The following TMEM44 variants were observed in gnomAD, a reference collection of about 807,000 sequenced individuals.
The protein encoded by TMEM44 is transmembrane protein 44.
Under a neutral mutation model 47.8 loss-of-function variants are expected in TMEM44, and 43 were observed. The observed-to-expected ratio is 0.90, with a 90% CI of 0.70 to 1.16. The LOEUF (loss-of-function observed/expected upper bound fraction) is 1.16. TMEM44 is among the 50% of genes most tolerant of loss of function. The pLI is 0.00. For missense variants in TMEM44, 568 were observed against 555.2 expected (o/e 1.02, Z -0.23); for synonymous variants, 277 against 238.8 (o/e 1.16, Z -1.48).
chr3:194,595,628 T>TCTA (rs35339354), intron 9 of TMEM44, among the ~76,000 whole-genome samples: 115 of 107,096 alleles, frequency 1.1e-3, no homozygotes, highest in South Asian at 6.1e-3. Flanking sequence ...CATTCTCTAT[T>TCTA]TTTTTTTTTT....
Position 194,588,644 on chromosome 3 carries a change from G to C in TMEM44, c.1177-5C>G. ...GTTCACATCTTCAGGGTCCCACTAT[G>C]GAGAAAAGATGCAAAGGGTAGCTGG... On this transcript the variant is annotated splice_region_variant and splice_polypyrimidine_tract_variant and intron_variant, in intron 9 of 9. Coordinates refer to ENST00000347147, the MANE Select transcript of TMEM44 (RefSeq NM_001011655.3). 2 of 1,613,774 alleles carry C rather than the reference G, an allele frequency of 1.2e-6. No individual in the cohort carries two copies. The highest frequency in any genetic ancestry group is 1.7e-6 in the Non-Finnish European group (2 of 1,179,762).
intron 1 of TMEM44, among the ~76,000 whole-genome samples, 161 bp from the exon 2 acceptor site, chr3:194,628,670 C>G (rs951138823): frequency 3.3e-5 from 5 of 152,160 alleles, no homozygotes; most frequent in African/African-American, 1.2e-4. Context: ...GGGAACCAAT[C>G]AGAAGACTCC....
rs976003801 is a variant in TMEM44 at position 194,611,133 on chromosome 3, C to CT, written c.913-114dup. The CT allele has an allele frequency of 1.2e-6, 1 of 805,360 alleles. No individual in the cohort carries two copies. Among genetic ancestry groups the CT allele is most frequent in the Non-Finnish European group, 2.1e-6 (1 of 479,476 alleles). 49.9% of individuals were successfully genotyped at this position (805,360 alleles called of 1,614,324 possible). A position where few individuals can be genotyped will look rare whatever the true frequency, so the allele number is the denominator to read the frequency against. On this transcript the variant is annotated intron_variant, in intron 7 of 9. Transcript: ENST00000347147. This position sits in a 1 kb window ranked among gnomAD's most constrained non-coding sequence, Gnocchi z 4.2. ...GACCCCCGTGGTATTTTCTCTCTCT[C>CT]TTTTTTAACGGCACGTCTCACTTTC... is the stretch of plus-strand genomic sequence containing the variant.
intron 9 of TMEM44, among the ~76,000 whole-genome samples, chr3:194,601,795 TA>T (rs1480883036): frequency 6.6e-6 from 1 of 152,084 alleles, no homozygotes; most frequent in Non-Finnish European, 1.5e-5. Flanking sequence ...AAGAGAGAGA[TA>T]AGAGTAGAGA....
intron 1 of TMEM44, among the ~76,000 whole-genome samples, chr3:194,629,531 G>A (rs561623300): frequency 3.9e-5 from 6 of 152,170 alleles, no homozygotes. Context: ...GGGGCTGGCT[G>A]TATCTATCGG....
intron 9 of TMEM44, among the ~76,000 whole-genome samples, chr3:194,599,722 T>C (rs1232465658): frequency 6.6e-6 from 1 of 151,074 alleles, no homozygotes; most frequent in African/African-American, 2.4e-5. Context: ...GTAGCTGGGA[T>C]TACAGGCACG....
rs1275821988 is a variant in TMEM44, at chr3:194,587,748, A to G, written c.*781T>C. ...CCTTAGCCCCATTCCATGCGCCCTT[A>G]CCCTTACTCATCGCAGTATCAAAAT... On this transcript the variant is annotated 3_prime_UTR_variant, in exon 10 of 10. Coordinates refer to ENST00000347147, the MANE Select transcript of TMEM44 (RefSeq NM_001011655.3). 6.6e-6 allele frequency: 1 copy of G among 152,004 alleles called. No homozygotes were observed. The highest frequency in any genetic ancestry group is 2.4e-5 in the African/African-American group (1 of 41,350). 9.4% of individuals were successfully genotyped at this position (152,004 alleles called of 1,614,324 possible). A position where few individuals can be genotyped will look rare whatever the true frequency, so the allele number is the denominator to read the frequency against.
Position 194,633,134 on chromosome 3 carries a change from T to C in TMEM44, c.82A>G (p.Ile28Val), listed in dbSNP as rs1177286175. ...DRCFARHRVC[I>V]SFGLWICASS... ...GCGCAGATCCACAGGCCGAAGGAGA[T>C]GCAGACGCGGTGGCGGGCGAAGCAG... Residue 28 changes from isoleucine (I) to valine (V), a missense_variant, in exon 1 of 10, where the codon ATC becomes GTC. Physicochemically the swap from Ile to Val is conservative, Grantham distance 29. Coordinates refer to ENST00000347147, the MANE Select transcript of TMEM44 (RefSeq NM_001011655.3). 4.3e-5 allele frequency: 67 copies of C among 1,551,506 alleles called. No homozygotes were observed. Among genetic ancestry groups the C allele is most frequent in the Non-Finnish European group, 5.7e-5 (66 of 1,148,138 alleles).
chr3:194,619,957 G>A (rs1716339000), intron 5 of TMEM44, among the ~76,000 whole-genome samples: 1 of 152,114 alleles, frequency 6.6e-6, no homozygotes, highest in African/African-American at 2.4e-5. Flanking sequence ...CCAGATGCTG[G>A]GCACTGTACA....
At chr3:194,608,936 GA>G (rs975318222) in intron 8 of TMEM44, among the ~76,000 whole-genome samples, 4 of 152,006 alleles carry the variant, frequency 2.6e-5, no homozygotes, top group African/African-American at 9.7e-5. Flanking sequence ...GGCAGGGCAG[GA>G]CCACAGAAGA....
intron 8 of TMEM44, among the ~76,000 whole-genome samples, chr3:194,605,403 A>ACAAAGACATACC (rs1714665573): frequency 6.6e-6 from 1 of 152,240 alleles, no homozygotes. Context: ...CATGCTGCTG[A>ACAAAGACATACC]CAAAGACATA....
rs1394969626 is a variant in TMEM44, at chr3:194,617,529, C to A, written c.613-260G>T. 1.3e-5 allele frequency: 8 copies of A among 609,732 alleles called. No homozygotes were observed. In the African/African-American group the frequency reaches 1.5e-4, roughly 11 times the overall value. 37.8% of individuals were successfully genotyped at this position (609,732 alleles called of 1,614,324 possible). On this transcript the variant is annotated intron_variant, in intron 5 of 9. Transcript: ENST00000347147. Reference sequence around the variant, plus strand: ...CCACCCTAAGGCGAGCAAGCAACTCCCTTTTCTGGGCCCTAACGCATCCCT... The same window carrying A: ...CCACCCTAAGGCGAGCAAGCAACTCACTTTTCTGGGCCCTAACGCATCCCT...
chr3:194,632,505 G>T, intron 1 of TMEM44, among the ~76,000 whole-genome samples: 1 of 152,156 alleles, frequency 6.6e-6, no homozygotes, highest in African/African-American at 2.4e-5. Context: ...AACCAGTCCA[G>T]GTGCTGGACA....
rs1366651060 is a variant in TMEM44 at position 194,594,120 on chromosome 3, TA to T, written c.1177-5482del. Among the ~76,000 whole-genome samples the T allele has an allele frequency of 3.9e-3, 393 of 101,158 alleles. 2 individuals are homozygous for T. The highest frequency in any genetic ancestry group is 0.033 in the South Asian group (89 of 2,728). The allele number at this position is 101,158 out of a possible 152,430, so 66.4% of individuals were successfully genotyped here. The stretch of plus-strand genomic sequence containing the variant: ...AGCCACAGCACCTGGCCTAATTTTC[TA>T]TCTATCTATCTATCTATCTATCTAT... On this transcript the variant is annotated intron_variant, in intron 9 of 9. Coordinates refer to ENST00000347147, the MANE Select transcript of TMEM44 (RefSeq NM_001011655.3).
intron 9 of TMEM44, among the ~76,000 whole-genome samples, chr3:194,592,061 A>G (rs1328670815): frequency 6.6e-6 from 1 of 152,012 alleles, no homozygotes; most frequent in Non-Finnish European, 1.5e-5. Context: ...TACTAAAAAT[A>G]CAAAAAATTA....
At chr3:194,615,098 C>T (rs1056773938) in intron 7 of TMEM44, among the ~76,000 whole-genome samples, 8 of 151,942 alleles carry the variant, frequency 5.3e-5, no homozygotes, top group Non-Finnish European at 1.0e-4. Flanking sequence ...AAATATTAGC[C>T]GGGCGTGGTG....
chr3:194,613,776 G>A (rs936808699), intron 7 of TMEM44, among the ~76,000 whole-genome samples: 2 of 151,680 alleles, frequency 1.3e-5, no homozygotes, highest in Admixed American at 6.6e-5. Context: ...ACAGGCGTGA[G>A]CCACTGCACA....
intron 9 of TMEM44, among the ~76,000 whole-genome samples, chr3:194,599,463 C>T (rs1237302729): frequency 6.6e-6 from 1 of 152,216 alleles, no homozygotes; most frequent in Non-Finnish European, 1.5e-5. Flanking sequence ...GGGGGCATGT[C>T]AGGCCGGCCC....
chr3:194,609,880 C>T (rs542486213), intron 8 of TMEM44, among the ~76,000 whole-genome samples: 1 of 152,146 alleles, frequency 6.6e-6, no homozygotes, highest in Admixed American at 6.5e-5. Context: ...CTCTAAAATG[C>T]ACATCTGACC....
Sources: allele counts gnomAD v4.1 joint callset (sites outside exome capture counted in the v4.1 genomes callset), GRCh38; gene constraint gnomAD v4.1.1; non-coding constraint Gnocchi (gnomAD v3.1); transcripts MANE v1.5; gene names NCBI Gene and HGNC (gene_info 2026-07-23, HGNC 2026-07-21).